The following SERPINB5 variants were observed in gnomAD, a reference collection of about 807,000 sequenced individuals.
The protein encoded by SERPINB5 is serpin family B member 5.
SERPINB5 carries 27 observed loss-of-function variants against 32.2 expected under a neutral mutation model. That is an observed-to-expected ratio of 0.84 (90% CI 0.62 to 1.16). The LOEUF (loss-of-function observed/expected upper bound fraction) is 1.16, where lower values mean the gene tolerates loss of function less well. SERPINB5 is among the 50% of genes most tolerant of loss of function. The probability of loss-of-function intolerance (pLI) is 0.00; values close to 1 mark genes in which losing one functional copy is unlikely to be tolerated. For missense variants in SERPINB5, 388 were observed against 436.3 expected (o/e 0.89, Z 0.99); for synonymous variants, 154 against 157.4 (o/e 0.98, Z 0.16).
rs200696359 is a variant in SERPINB5, at chr18:63,490,019, T to C, written c.424+555T>C. 4.5e-3 allele frequency among the ~76,000 whole-genome samples: 683 copies of C among 151,504 alleles called. 44 individuals are homozygous for C. The East Asian group carries it at 0.12, about 26-fold the overall frequency. The stretch of plus-strand genomic sequence containing the variant: ...CATCCTGGCTAACACGGTGAAACCC[T>C]GTCTCTACTAAAAATACAAAAAATT... On this transcript the variant is annotated intron_variant, in intron 4 of 6. Coordinates refer to ENST00000382771, the MANE Select transcript of SERPINB5 (RefSeq NM_002639.5).
At chr18:63,499,890 C>G (rs533712340) in intron 6 of SERPINB5, among the ~76,000 whole-genome samples, 2 of 152,090 alleles carry the variant, frequency 1.3e-5, no homozygotes, top group Non-Finnish European at 2.9e-5. Context: ...ACAAGGAGTT[C>G]CCATATACTC....
chr18:63,502,896 T>C (rs1909598096), intron 6 of SERPINB5, among the ~76,000 whole-genome samples: 1 of 151,918 alleles, frequency 6.6e-6, no homozygotes, highest in Non-Finnish European at 1.5e-5. Context: ...TGGTGGAGTG[T>C]GCCTGTAATC....
chr18:63,493,913 G>T (rs947361151), intron 5 of SERPINB5, among the ~76,000 whole-genome samples: 3 of 152,016 alleles, frequency 2.0e-5, no homozygotes, highest in Non-Finnish European at 4.4e-5. Context: ...GCACTTGTTG[G>T]CTGTGAAAAA....
intron 4 of SERPINB5, among the ~76,000 whole-genome samples, chr18:63,490,264 C>G (rs991331355): frequency 6.6e-6 from 1 of 152,090 alleles, no homozygotes; most frequent in Non-Finnish European, 1.5e-5. Context: ...CCATGCTGGT[C>G]GTTCCTCTGA....
At chr18:63,501,689 A>G (rs188612920) in intron 6 of SERPINB5, among the ~76,000 whole-genome samples, 11 of 152,292 alleles carry the variant, frequency 7.2e-5, no homozygotes, top group South Asian at 2.1e-4. Flanking sequence ...ATTTCTCCAT[A>G]TCCTTTCCAG....
chr18:63,489,452 G>A lies in SERPINB5; in HGVS notation c.412G>A (p.Asp138Asn), dbSNP rs1474898657. 12 of 1,595,474 alleles carry A rather than the reference G, an allele frequency of 7.5e-6. No homozygotes were observed. Among genetic ancestry groups the A allele is most frequent in the Admixed American group, 1.7e-5 (1 of 59,460 alleles). Residue 138 changes from aspartate to asparagine, a missense_variant, in exon 4 of 7, where the codon GAT becomes AAT. Coordinates refer to ENST00000382771, the MANE Select transcript of SERPINB5 (RefSeq NM_002639.5). ...AGGTCAGATCAACAACTCAATTAAG[G>A]ATCTCACAGATGGCAAGTACCCTTT... The part of the protein sequence containing the change: ...TKGQINNSIK[D>N]LTDGHFENIL...
At chr18:63,487,547 T>G (rs1917235255) in intron 3 of SERPINB5, among the ~76,000 whole-genome samples, 1 of 152,152 alleles carries the variant, frequency 6.6e-6, no homozygotes, top group Non-Finnish European at 1.5e-5. Flanking sequence ...TCAAAATCAG[T>G]AAGAAAAATA....
At chr18:63,478,486 A>G (rs558670517) in intron 1 of SERPINB5, among the ~76,000 whole-genome samples, 160 of 152,334 alleles carry the variant, frequency 1.1e-3, no homozygotes, top group African/African-American at 3.7e-3. Flanking sequence ...TTTAGTCCTC[A>G]TAGTCTTTCA....
At chr18:63,499,378 C>T in intron 6 of SERPINB5, 91 bp downstream of exon 6, 2 of 1,162,552 alleles carry the variant, frequency 1.7e-6, no homozygotes, top group South Asian at 5.1e-5. Context: ...GAGAGCTGGG[C>T]CGGTAGCCCT....
At chr18:63,489,316 A>C (rs1917262234) in intron 3 of SERPINB5, 31 bp from the exon 4 acceptor site, 1 of 1,243,538 alleles carries the variant, frequency 8.0e-7, no homozygotes, top group African/African-American at 1.5e-5. Context: ...TTGACTACAG[A>C]CTCTGATTTT....
At chr18:63,499,379 C>T (rs773590827) in intron 6 of SERPINB5, 92 bp downstream of exon 6, 145 of 1,145,028 alleles carry the variant, frequency 1.3e-4, no homozygotes, top group African/African-American at 1.9e-4. Flanking sequence ...AGAGCTGGGC[C>T]GGTAGCCCTC....
At chr18:63,478,402 A>G (rs778889811) in intron 1 of SERPINB5, among the ~76,000 whole-genome samples, 2 of 152,198 alleles carry the variant, frequency 1.3e-5, no homozygotes, top group Non-Finnish European at 2.9e-5. Flanking sequence ...AATTAAAGCA[A>G]TTACTAATAG....
Position 63,503,826 on chromosome 18 carries a change from G to T in SERPINB5, c.*104G>T. ...TTTCTAGATACAATAAATTGCTAAT[G>T]TTGCTGGATCAGGAAGCCGCCAGTA... On this transcript the variant is annotated 3_prime_UTR_variant, in exon 7 of 7. Coordinates refer to ENST00000382771, the MANE Select transcript of SERPINB5 (RefSeq NM_002639.5). The T allele has an allele frequency of 8.0e-7, 1 of 1,242,846 alleles. No individual in the cohort carries two copies. The highest frequency in any genetic ancestry group is 1.1e-6 in the Non-Finnish European group (1 of 878,974). 77.0% of individuals were successfully genotyped at this position (1,242,846 alleles called of 1,614,324 possible).
At chr18:63,497,473 GCTTT>G (rs1909473796) in intron 5 of SERPINB5, 1 of 554,812 alleles carries the variant, frequency 1.8e-6, no homozygotes, top group Non-Finnish European at 3.2e-6. Flanking sequence ...GCTGTGCTAA[GCTTT>G]ACCATTGAAC....
At chr18:63,490,160 C>A (rs1909295819) in intron 4 of SERPINB5, among the ~76,000 whole-genome samples, 1 of 152,074 alleles carries the variant, frequency 6.6e-6, no homozygotes, top group Non-Finnish European at 1.5e-5. Context: ...CCACTGCACT[C>A]CAGCCTGGGC....
At chr18:63,497,669 A>G (rs1047528800) in intron 5 of SERPINB5, among the ~76,000 whole-genome samples, 2 of 152,208 alleles carry the variant, frequency 1.3e-5, no homozygotes, top group African/African-American at 4.8e-5. Context: ...CCATATACCG[A>G]TCAATCATCT....
At chr18:63,500,684 C>A (rs1251662974) in intron 6 of SERPINB5, among the ~76,000 whole-genome samples, 1 of 152,070 alleles carries the variant, frequency 6.6e-6, no homozygotes, top group Non-Finnish European at 1.5e-5. Context: ...TAGCTCCACC[C>A]CGCCTGGCCT....
chr18:63,495,372 G>T (rs115225853), intron 5 of SERPINB5, among the ~76,000 whole-genome samples: 3,934 of 152,234 alleles, frequency 0.026, 73 homozygotes, highest in Middle Eastern at 0.058. Flanking sequence ...AGGGGTGTTG[G>T]CCCCACTGGC....
At position 63,504,356 on chromosome 18, in the gene SERPINB5, A is replaced by G. The variant is rs1380785668; in HGVS notation, c.*634A>G. 6.6e-6 allele frequency: 1 copy of G among 152,304 alleles called. No individual in the cohort carries two copies. The highest frequency in any genetic ancestry group is 1.9e-4 in the East Asian group (1 of 5,204). The allele number at this position is 152,304 out of a possible 1,614,324, so 9.4% of individuals were successfully genotyped here. ...TGGATCAGATCTGGGGCAGCACCCT[A>G]TAAATCAACACCTTAATATGCTGCA... is the stretch of plus-strand genomic sequence containing the variant. On this transcript the variant is annotated 3_prime_UTR_variant, in exon 7 of 7. Coordinates refer to ENST00000382771, the MANE Select transcript of SERPINB5 (RefSeq NM_002639.5).
Sources: allele counts gnomAD v4.1 joint callset (sites outside exome capture counted in the v4.1 genomes callset), GRCh38; gene constraint gnomAD v4.1.1; transcripts MANE v1.5; gene names NCBI Gene and HGNC (gene_info 2026-07-23, HGNC 2026-07-21).